ASB3: variants seen among roughly 807,000 people sequenced by gnomAD.
ASB3 encodes the protein ankyrin repeat and SOCS box containing 3.
Under a neutral mutation model 54.5 loss-of-function variants are expected in ASB3, and 41 were observed. That is an observed-to-expected ratio of 0.75 (90% CI 0.59 to 0.98). The LOEUF is 0.98. Among genes scored for constraint, ASB3 ranks in the 50% least tolerant of loss-of-function variants. ASB3 has a pLI of 0.00. For missense variants in ASB3, 733 were observed against 620.0 expected, an observed-to-expected ratio of 1.18 and a Z score of -1.94; for synonymous variants, 266 against 221.2, an observed-to-expected ratio of 1.20 and a Z score of -1.80.
chr2:53,772,734 G>T (rs974964064), intron 1 of ASB3, among the ~76,000 whole-genome samples: 1 of 152,130 alleles, frequency 6.6e-6, no homozygotes, highest in Non-Finnish European at 1.5e-5. Context: ...GAGTACATGT[G>T]CAGGATGTGC....
chr2:53,670,645 G>T lies in ASB3; in HGVS notation c.1415C>A (p.Ser472Tyr). The change falls in exon 10 of 10, where the codon TCC (serine) becomes TAC (tyrosine). Residue 472 changes from serine to tyrosine, a missense_variant. Transcript: ENST00000263634. Reference protein sequence around the residue: ...LTHLCRLEIRSSLKSERLRSD... With the variant: ...LTHLCRLEIRYSLKSERLRSD... ...CCGTAGACGTTCTGATTTTAGACTG[G>T]ACCGAATTTCCAAACGACAAAGATG... is the stretch of plus-strand genomic sequence containing the variant. 2 of 1,613,898 alleles carry T rather than the reference G, an allele frequency of 1.2e-6. No individual in the cohort carries two copies. The highest frequency in any genetic ancestry group is 1.7e-6 in the Non-Finnish European group (2 of 1,179,944).
chr2:53,771,437 C>A (rs1304125860), intron 1 of ASB3, among the ~76,000 whole-genome samples: 1 of 151,982 alleles, frequency 6.6e-6, no homozygotes, highest in East Asian at 1.9e-4. Flanking sequence ...TGCTTGAGCC[C>A]GAGAGTTGGA....
intron 2 of ASB3, chr2:53,763,690 T>G (rs1283227705): frequency 5.9e-6 from 1 of 168,398 alleles, no homozygotes; most frequent in Admixed American, 6.5e-5. Context: ...AAAAAATCTG[T>G]AACATAAACT....
chr2:53,737,549 G>T (rs911917188), intron 3 of ASB3, among the ~76,000 whole-genome samples: 4 of 152,020 alleles, frequency 2.6e-5, no homozygotes, highest in African/African-American at 9.7e-5. Context: ...GAAATAATTA[G>T]AAGTCAAACA....
At chr2:53,744,633 T>C (rs1208414677) in intron 3 of ASB3, among the ~76,000 whole-genome samples, 1 of 151,568 alleles carries the variant, frequency 6.6e-6, no homozygotes, top group East Asian at 1.9e-4. Context: ...AGTTGAAAAA[T>C]CTAAAAAAAA....
At chr2:53,726,219 G>A (rs955278314) in intron 5 of ASB3, among the ~76,000 whole-genome samples, 1 of 150,778 alleles carries the variant, frequency 6.6e-6, no homozygotes, top group African/African-American at 2.4e-5. Context: ...CTGACATGAG[G>A]AGAGACATTA....
chr2:53,746,451 A>T (rs1168750224), intron 3 of ASB3, among the ~76,000 whole-genome samples: 1 of 150,626 alleles, frequency 6.6e-6, no homozygotes, highest in Non-Finnish European at 1.5e-5. Flanking sequence ...ATACATGCCC[A>T]TTCTTCCACA....
intron 2 of ASB3, among the ~76,000 whole-genome samples, 161 bp from the exon 3 acceptor site, chr2:53,751,102 C>G (rs1302897390): frequency 6.6e-6 from 1 of 152,092 alleles, no homozygotes; most frequent in African/African-American, 2.4e-5. Flanking sequence ...AGAAAAAGTT[C>G]TACAGAGATC....
chr2:53,728,923 T>C (rs1671152171), intron 4 of ASB3, 76 bp from the exon 5 acceptor site: 1 of 1,453,726 alleles, frequency 6.9e-7, no homozygotes, highest in African/African-American at 1.4e-5. Flanking sequence ...ACTGTGTTTT[T>C]TTTTTCTTTT....
At chr2:53,740,011 T>C (rs1056609836) in intron 3 of ASB3, among the ~76,000 whole-genome samples, 3 of 152,164 alleles carry the variant, frequency 2.0e-5, no homozygotes, top group African/African-American at 7.2e-5. Flanking sequence ...TGACAATAAT[T>C]CTAAAAAATG....
intron 1 of ASB3, among the ~76,000 whole-genome samples, chr2:53,770,605 T>A (rs1054636793): frequency 6.6e-6 from 1 of 152,048 alleles, no homozygotes; most frequent in African/African-American, 2.4e-5. Context: ...AGGCTTTCCA[T>A]TTATAAGCAA....
intron 3 of ASB3, among the ~76,000 whole-genome samples, chr2:53,743,895 T>G (rs1293921528): frequency 1.3e-5 from 2 of 151,618 alleles, no homozygotes; most frequent in Non-Finnish European, 2.9e-5. Flanking sequence ...GTACAAAAAT[T>G]AGCCTGGCAT....
chr2:53,762,258 T>C (rs1181105029), intron 2 of ASB3, among the ~76,000 whole-genome samples: 1 of 151,754 alleles, frequency 6.6e-6, no homozygotes, highest in East Asian at 1.9e-4. Context: ...ATGAGAAATA[T>C]GAGAAAAAGA....
chr2:53,707,749 C>T (rs979618735), intron 7 of ASB3, among the ~76,000 whole-genome samples: 2 of 151,522 alleles, frequency 1.3e-5, no homozygotes, highest in Non-Finnish European at 2.9e-5. Flanking sequence ...ATCACTTGAG[C>T]TTACGAGTTA....
chr2:53,743,933 C>A (rs1055316539), intron 3 of ASB3, among the ~76,000 whole-genome samples: 1 of 151,776 alleles, frequency 6.6e-6, no homozygotes, highest in Admixed American at 6.6e-5. Flanking sequence ...AGCTCAGCTA[C>A]TCGGGAGGCT....
rs1673387089 is a variant in ASB3 at position 53,765,448 on chromosome 2, C to T, written c.125G>A (p.Arg42Lys). 1.9e-6 allele frequency: 3 copies of T among 1,614,116 alleles called. No homozygotes were observed. The highest frequency in any genetic ancestry group is 2.2e-5 in the East Asian group (1 of 44,886). The change falls in exon 2 of 10, where the codon AGG (arginine) becomes AAG (lysine). Residue 42 changes from arginine (R) to lysine (K), a missense_variant. By Grantham distance (26) the Arg-to-Lys change is conservative. Transcript: ENST00000263634. ...KGRSVDVADN[R>K]GWMPIHEAAY... ...TGCTTCATGAATTGGCATCCATCCC[C>T]TGTTATCAGCAACATCGACACTTCG...
rs1675058677 is a variant in ASB3 at position 53,786,949 on chromosome 2, G to C, written c.-142C>G. 3 of 441,034 alleles carry C rather than the reference G, an allele frequency of 6.8e-6. No homozygotes were observed. The highest frequency in any genetic ancestry group is 4.0e-6 in the Non-Finnish European group (1 of 249,480). 27.3% of individuals were successfully genotyped at this position (441,034 alleles called of 1,614,324 possible). A position where few individuals can be genotyped will look rare whatever the true frequency, so the allele number is the denominator to read the frequency against. On this transcript the variant is annotated 5_prime_UTR_variant, in exon 1 of 10. Transcript: ENST00000263634. ...CCGTCCGAAAACGAGAGACGCGCAG[G>C]CGACGTCCCGGCCCCCGTAGGCGGA...
intron 5 of ASB3, among the ~76,000 whole-genome samples, chr2:53,718,890 C>T (rs1670543995): frequency 1.3e-5 from 2 of 151,698 alleles, no homozygotes; most frequent in South Asian, 2.1e-4. Context: ...AAATGGAAAA[C>T]AAAAAAGGTC....
chr2:53,762,878 A>G (rs1466898990), intron 2 of ASB3, among the ~76,000 whole-genome samples: 6 of 152,266 alleles, frequency 3.9e-5, no homozygotes, highest in Non-Finnish European at 7.3e-5. Context: ...CTCTTCTCCA[A>G]CTTGAGTCAG....
Sources: allele counts gnomAD v4.1 joint callset (sites outside exome capture counted in the v4.1 genomes callset), GRCh38; gene constraint gnomAD v4.1.1; transcripts MANE v1.5; gene names NCBI Gene and HGNC (gene_info 2026-07-23, HGNC 2026-07-21).